Variants in GALNT13 observed in about 807,000 individuals in gnomAD.
GALNT13 encodes the protein UDP-GalNAc:polypeptide N-acetylgalactosaminyltransferase 13.
A neutral mutation model predicts 64.2 loss-of-function variants in GALNT13; 28 were observed. The observed-to-expected ratio is 0.44, with a 90% CI of 0.32 to 0.60. GALNT13 has a LOEUF of 0.60. Among genes scored for constraint, GALNT13 ranks in the 20% least tolerant of loss-of-function variants. The pLI, the probability that GALNT13 is intolerant of heterozygous loss-of-function variation, is 0.05. For synonymous variants in GALNT13, 214 were observed against 224.6 expected (o/e 0.95, Z 0.42); for missense variants, 577 against 669.8 (o/e 0.86, Z 1.53).
At chr2:153,385,846 C>G in the GALNT13 span, among the ~76,000 whole-genome samples, 4 of 135,220 alleles carry the variant, frequency 3.0e-5, no homozygotes, top group African/African-American at 1.2e-4. Flanking sequence ...CTACTATGTA[C>G]CACTAAAAAT....
the GALNT13 span, among the ~76,000 whole-genome samples, chr2:153,750,531 T>A: frequency 6.6e-6 from 1 of 152,008 alleles, no homozygotes; most frequent in East Asian, 1.9e-4. Flanking sequence ...TTTTGGATTT[T>A]TTTTTATGGT....
chr2:154,327,199 G>A (rs913007564), intron 9 of GALNT13, among the ~76,000 whole-genome samples: 2 of 151,988 alleles, frequency 1.3e-5, no homozygotes, highest in East Asian at 1.9e-4. Flanking sequence ...TCCTTTGTTC[G>A]GCATTTCTCC....
chr2:154,051,075 A>G (rs1271907055), intron 3 of GALNT13, among the ~76,000 whole-genome samples: 1 of 146,830 alleles, frequency 6.8e-6, no homozygotes, highest in Non-Finnish European at 1.5e-5. Flanking sequence ...GATAAGAGCC[A>G]GTGGTAGTTG....
chr2:153,917,811 T>C (rs1689485187), intron 2 of GALNT13, among the ~76,000 whole-genome samples: 1 of 152,052 alleles, frequency 6.6e-6, no homozygotes. Flanking sequence ...AAAAGGTATC[T>C]TGGAAACAAG....
At chr2:153,494,856 T>TATA in the GALNT13 span, among the ~76,000 whole-genome samples, 1 of 152,058 alleles carries the variant, frequency 6.6e-6, no homozygotes, top group Non-Finnish European at 1.5e-5. Flanking sequence ...CCAGAATATA[T>TATA]ATAATACTCT....
At chr2:153,840,611 A>C in the GALNT13 span, among the ~76,000 whole-genome samples, 1 of 152,216 alleles carries the variant, frequency 6.6e-6, no homozygotes, top group African/African-American at 2.4e-5. Context: ...TGAGAAATGC[A>C]TTATAAAGGC....
intron 4 of GALNT13, among the ~76,000 whole-genome samples, chr2:154,147,386 T>A (rs1683675828): frequency 6.7e-6 from 1 of 148,790 alleles, no homozygotes; most frequent in Non-Finnish European, 1.5e-5. Flanking sequence ...GAATTTTATA[T>A]ATATATATAT....
chr2:153,496,970 G>A, the GALNT13 span, among the ~76,000 whole-genome samples: 15 of 143,234 alleles, frequency 1.0e-4, no homozygotes, highest in Non-Finnish European at 1.9e-4. Flanking sequence ...CTCCAGCCTG[G>A]GCGACAGAGC....
chr2:153,842,423 C>A, the GALNT13 span, among the ~76,000 whole-genome samples: 1 of 151,960 alleles, frequency 6.6e-6, no homozygotes, highest in Admixed American at 6.6e-5. Flanking sequence ...GGATAATTCT[C>A]AAGATGTACA....
chr2:153,538,336 T>A, the GALNT13 span, among the ~76,000 whole-genome samples: 3 of 144,284 alleles, frequency 2.1e-5, no homozygotes, highest in South Asian at 6.5e-4. Context: ...CTTTTTTTTT[T>A]TTTTTTTACT....
At chr2:153,827,325 GA>G in the GALNT13 span, among the ~76,000 whole-genome samples, 1 of 152,070 alleles carries the variant, frequency 6.6e-6, no homozygotes, top group Non-Finnish European at 1.5e-5. Flanking sequence ...TACAATTCAA[GA>G]AAAGTTATGG....
chr2:153,617,158 G>A, the GALNT13 span, among the ~76,000 whole-genome samples: 1 of 152,052 alleles, frequency 6.6e-6, no homozygotes, highest in Non-Finnish European at 1.5e-5. Context: ...TTAGAGAAAA[G>A]ACTTTCAGCT....
At chr2:154,400,303 A>G (rs1311260245) in intron 10 of GALNT13, among the ~76,000 whole-genome samples, 1 of 152,202 alleles carries the variant, frequency 6.6e-6, no homozygotes, top group African/African-American at 2.4e-5. Flanking sequence ...TTGCCATCAA[A>G]ACAAGAACAA....
Position 154,126,174 on chromosome 2 carries a change from T to G in GALNT13, c.143-14163T>G, listed in dbSNP as rs115923063. Among the ~76,000 whole-genome samples the G allele has an allele frequency of 7.5e-3, 1,136 of 152,256 alleles. 11 individuals carry two copies. Among genetic ancestry groups the G allele is most frequent in the African/African-American group, 0.025 (1,050 of 41,528 alleles). On this transcript the variant is annotated intron_variant, in intron 3 of 12. Transcript: ENST00000392825. ...TCTACTTTTTCCCAAGACCACATAATTTTACTTTTGGAATTATCATAAATG... is the reference window on the plus strand; with the variant it reads ...TCTACTTTTTCCCAAGACCACATAAGTTTACTTTTGGAATTATCATAAATG...
the GALNT13 span, among the ~76,000 whole-genome samples, chr2:153,854,033 CTG>C: frequency 1.3e-5 from 2 of 151,584 alleles, no homozygotes; most frequent in Non-Finnish European, 2.9e-5. Flanking sequence ...TACCTTAAAT[CTG>C]TGAAGTCCAT....
the GALNT13 span, among the ~76,000 whole-genome samples, chr2:153,469,869 C>T: frequency 6.6e-6 from 1 of 151,902 alleles, no homozygotes; most frequent in Non-Finnish European, 1.5e-5. Context: ...TGATTTTATT[C>T]TCATGAGCAA....
chr2:154,325,755 C>G (rs948423711), intron 9 of GALNT13, among the ~76,000 whole-genome samples: 2 of 151,880 alleles, frequency 1.3e-5, no homozygotes, highest in Non-Finnish European at 2.9e-5. Context: ...AAACTAGATA[C>G]TTTTATTTAA....
At chr2:153,683,184 G>A in the GALNT13 span, among the ~76,000 whole-genome samples, 2 of 151,562 alleles carry the variant, frequency 1.3e-5, no homozygotes, top group Non-Finnish European at 3.0e-5. Flanking sequence ...TTCAAATCTT[G>A]GCCATCACAT....
At chr2:153,734,021 T>C in the GALNT13 span, among the ~76,000 whole-genome samples, 1 of 152,264 alleles carries the variant, frequency 6.6e-6, no homozygotes, top group Non-Finnish European at 1.5e-5. Context: ...TTAGAAACAT[T>C]GGTACAGTTC....
Sources: gnomAD v4.1 joint callset for allele counts (sites outside exome capture counted in the v4.1 genomes callset) on GRCh38, gnomAD v4.1.1 for gene constraint, MANE v1.5 for transcripts, NCBI Gene and HGNC (gene_info 2026-07-23, HGNC 2026-07-21) for gene names.